DAB1: variants seen among roughly 807,000 people sequenced by gnomAD.
The protein encoded by DAB1 is DAB adaptor protein 1.
In DAB1, 15 loss-of-function variants were observed where a neutral mutation model predicts 64.6. The ratio of observed to expected loss-of-function variants is 0.23; its 90% CI spans 0.16 to 0.36. The LOEUF (loss-of-function observed/expected upper bound fraction) is 0.36, where lower values mean the gene tolerates loss of function less well. Ranked by LOEUF, DAB1 falls within the 10% of genes least tolerant of loss-of-function variation. The pLI, the probability that DAB1 is intolerant of heterozygous loss-of-function variation, is 1.00. For missense variants in DAB1, 596 were observed against 706.7 expected (o/e 0.84, Z 1.78); for synonymous variants, 235 against 251.9 (o/e 0.93, Z 0.64).
At chr1:58,278,197 G>A (rs557188651) in intron 4 of DAB1, among the ~76,000 whole-genome samples, 14 of 152,162 alleles carry the variant, frequency 9.2e-5, no homozygotes, top group Non-Finnish European at 1.6e-4. Flanking sequence ...TCATGATAGC[G>A]AGCTCTAATG....
intron 4 of DAB1, among the ~76,000 whole-genome samples, chr1:57,122,102 C>A (rs771997798): frequency 6.6e-6 from 1 of 152,050 alleles, no homozygotes; most frequent in Admixed American, 6.6e-5. Context: ...GAATGATTCC[C>A]TTTGCTTTGC....
At chr1:57,258,526 C>CTCT (rs1669938742) in intron 2 of DAB1, among the ~76,000 whole-genome samples, 1 of 152,144 alleles carries the variant, frequency 6.6e-6, no homozygotes, top group African/African-American at 2.4e-5. Context: ...GTTTGTCCTT[C>CTCT]TCTTGTAACA....
chr1:57,937,894 G>A (rs1645050064), intron 5 of DAB1, among the ~76,000 whole-genome samples: 1 of 152,278 alleles, frequency 6.6e-6, no homozygotes, highest in Admixed American at 6.5e-5. Flanking sequence ...GGACACTAGG[G>A]CCCTAGCTGC....
rs1557726090 is a variant in DAB1, at chr1:58,300,615, AGAG to A, written n.309+42734_309+42736del. On this transcript the variant is annotated intron_variant and non_coding_transcript_variant, in intron 4 of 20. Transcript: ENST00000485760. ...AAGAAAGAAAGAAAGAAAGAAAGAG[AGAG>A]AGAGAGAGAGAGAGAGAGAGAGAGA... 3.9e-3 allele frequency among the ~76,000 whole-genome samples: 151 copies of A among 39,004 alleles called. 2 individuals carry two copies. The highest frequency in any genetic ancestry group is 0.012 in the Middle Eastern group (1 of 82). 25.6% of individuals were successfully genotyped at this position (39,004 alleles called of 152,430 possible). A position where few individuals can be genotyped will look rare whatever the true frequency, so the allele number is the denominator to read the frequency against.
chr1:58,379,069 G>C (rs894984816), intron 3 of DAB1, among the ~76,000 whole-genome samples: 5 of 146,914 alleles, frequency 3.4e-5, no homozygotes, highest in Non-Finnish European at 6.0e-5. Context: ...ACTGGCCTGC[G>C]CCCACTGTCT....
intron 6 of DAB1, among the ~76,000 whole-genome samples, chr1:57,719,542 G>A (rs925382271): frequency 3.3e-5 from 5 of 152,126 alleles, no homozygotes; most frequent in Admixed American, 1.3e-4. Flanking sequence ...ATTAGATCAC[G>A]GGGGCAGTTT....
At chr1:57,950,619 G>A (rs936577378) in intron 5 of DAB1, among the ~76,000 whole-genome samples, 4 of 146,958 alleles carry the variant, frequency 2.7e-5, no homozygotes, top group South Asian at 2.1e-4. Flanking sequence ...ATCTGCTTAT[G>A]GTTCCCAAAA....
rs1309614862 is a variant in DAB1 at position 57,011,295 on chromosome 1, G to A, written c.1445-23C>T. 2.5e-6 allele frequency: 4 copies of A among 1,609,210 alleles called. No individual in the cohort carries two copies. The South Asian group carries it at 3.3e-5, about 13-fold the overall frequency. On this transcript the variant is annotated intron_variant, in intron 12 of 14. Coordinates refer to ENST00000371236, the MANE Select transcript of DAB1 (RefSeq NM_001365792.1). Reference sequence around the variant, plus strand: ...GAGCTACACAGAGACCACAGAAAAAGAGACATCTTAAGTGCCTGGCTGCCA... The same window carrying A: ...GAGCTACACAGAGACCACAGAAAAAAAGACATCTTAAGTGCCTGGCTGCCA...
intron 1 of DAB1, among the ~76,000 whole-genome samples, chr1:57,375,037 CATTT>C (rs921017566): frequency 1.4e-4 from 22 of 152,154 alleles, no homozygotes; most frequent in African/African-American, 5.1e-4. Context: ...ATAGAACATT[CATTT>C]AGTGCTTGTT....
rs12085087 is a variant in DAB1, at chr1:57,615,087, G to A, written n.625+34505C>T. ...GGGTTTCACCATGTTAGCCAGGATGGTCTTGATCTCCTGACCTCATGATCC... is the reference window on the plus strand; with the variant it reads ...GGGTTTCACCATGTTAGCCAGGATGATCTTGATCTCCTGACCTCATGATCC... On this transcript the variant is annotated intron_variant and non_coding_transcript_variant, in intron 7 of 20. Coordinates refer to the DAB1 transcript ENST00000485760. Among the ~76,000 whole-genome samples the A allele has an allele frequency of 4.4e-3, 671 of 151,906 alleles. 8 individuals are homozygous for A. The highest frequency in any genetic ancestry group is 0.016 in the African/African-American group (644 of 41,442).
At chr1:57,520,904 C>A (rs935282410) in intron 7 of DAB1, among the ~76,000 whole-genome samples, 2 of 151,822 alleles carry the variant, frequency 1.3e-5, no homozygotes, top group Non-Finnish European at 2.9e-5. Context: ...AGAGAGGGAG[C>A]AGGACAGTCA....
At chr1:57,301,414 G>A (rs1186490099) in intron 1 of DAB1, among the ~76,000 whole-genome samples, 1 of 152,176 alleles carries the variant, frequency 6.6e-6, no homozygotes, top group Non-Finnish European at 1.5e-5. Flanking sequence ...CCAGCCAGGT[G>A]AGGGGAGGAA....
At chr1:57,694,652 A>C (rs1646803017) in intron 6 of DAB1, among the ~76,000 whole-genome samples, 1 of 152,146 alleles carries the variant, frequency 6.6e-6, no homozygotes, top group South Asian at 2.1e-4. Context: ...ATATTTTTTA[A>C]TGATGTATGT....
At chr1:57,870,014 G>C (rs1643911542) in intron 1 of DAB1, among the ~76,000 whole-genome samples, 1 of 152,074 alleles carries the variant, frequency 6.6e-6, no homozygotes, top group Non-Finnish European at 1.5e-5. Flanking sequence ...TGGAGGAATG[G>C]ACAATGTGCT....
intron 7 of DAB1, among the ~76,000 whole-genome samples, chr1:57,569,310 C>G (rs942652889): frequency 1.3e-5 from 2 of 148,832 alleles, no homozygotes; most frequent in African/African-American, 2.5e-5. Flanking sequence ...TGGCACTAGT[C>G]ACAATAGCAA....
intron 1 of DAB1, among the ~76,000 whole-genome samples, chr1:57,827,446 G>A (rs910714490): frequency 1.3e-5 from 2 of 152,082 alleles, no homozygotes; most frequent in Non-Finnish European, 2.9e-5. Context: ...CTGTGACCTT[G>A]GGCAATTACA....
chr1:58,353,890 G>A (rs957826817), intron 3 of DAB1, among the ~76,000 whole-genome samples: 9 of 152,128 alleles, frequency 5.9e-5, no homozygotes, highest in Non-Finnish European at 1.2e-4. Flanking sequence ...ATAAAGCCAG[G>A]ATTTGAATTC....
chr1:57,766,739 T>C (rs1299783300), intron 6 of DAB1, among the ~76,000 whole-genome samples: 1 of 151,568 alleles, frequency 6.6e-6, no homozygotes, highest in Non-Finnish European at 1.5e-5. Flanking sequence ...GACCTACAGG[T>C]TTAAGAACTC....
chr1:58,452,056 C>A (rs779392257), intron 3 of DAB1, among the ~76,000 whole-genome samples: 10 of 151,946 alleles, frequency 6.6e-5, no homozygotes, highest in Non-Finnish European at 1.3e-4. Context: ...CCTTAGCCTC[C>A]TGAGTGGCTG....
Sources: allele counts gnomAD v4.1 joint callset (sites outside exome capture counted in the v4.1 genomes callset), GRCh38; gene constraint gnomAD v4.1.1; transcripts MANE v1.5; gene names NCBI Gene and HGNC (gene_info 2026-07-23, HGNC 2026-07-21).